Variants in TNFSF8 observed in about 807,000 individuals in gnomAD.
TNFSF8 encodes the protein tumor necrosis factor ligand superfamily member 8.
Under a neutral mutation model 22.0 loss-of-function variants are expected in TNFSF8, and 4 were observed. The observed-to-expected ratio is 0.18, with a 90% CI of 0.09 to 0.42. The LOEUF (loss-of-function observed/expected upper bound fraction) is 0.42, where lower values mean the gene tolerates loss of function less well. TNFSF8 is among the 10% of genes least tolerant of loss of function. The pLI is 1.00. For synonymous variants in TNFSF8, 106 were observed against 112.5 expected, an observed-to-expected ratio of 0.94 and a Z score of 0.37; for missense variants, 233 against 281.8, an observed-to-expected ratio of 0.83 and a Z score of 1.24.
At chr9:114,909,943 G>C (rs1323482094) in intron 2 of TNFSF8, among the ~76,000 whole-genome samples, 2 of 152,196 alleles carry the variant, frequency 1.3e-5, no homozygotes, top group Non-Finnish European at 2.9e-5. Context: ...CCTCAATGTT[G>C]CCCCTATGGC....
At chr9:114,916,174 T>TA (rs1814856778) in intron 2 of TNFSF8, among the ~76,000 whole-genome samples, 1 of 152,116 alleles carries the variant, frequency 6.6e-6, no homozygotes, top group Non-Finnish European at 1.5e-5. Context: ...CTTCATGTTG[T>TA]AAAAAAAGGA....
At chr9:114,911,741 C>T (rs1233915952) in intron 2 of TNFSF8, among the ~76,000 whole-genome samples, 2 of 152,068 alleles carry the variant, frequency 1.3e-5, no homozygotes, top group Non-Finnish European at 2.9e-5. Flanking sequence ...CGCCCCCTGC[C>T]CCACCTACTT....
intron 3 of TNFSF8, 127 bp from the exon 4 acceptor site, chr9:114,904,452 A>G (rs1827760025): frequency 7.5e-7 from 1 of 1,328,202 alleles, no homozygotes; most frequent in African/African-American, 1.5e-5. Flanking sequence ...AATCATCTGA[A>G]TATCTTCCAT....
intron 2 of TNFSF8, among the ~76,000 whole-genome samples, chr9:114,912,170 G>C (rs1827860123): frequency 6.6e-6 from 1 of 152,150 alleles, no homozygotes; most frequent in Non-Finnish European, 1.5e-5. Context: ...CTTCTTAAAA[G>C]TGAGAATAAT....
chr9:114,927,773 G>T (rs953799352), intron 1 of TNFSF8, among the ~76,000 whole-genome samples: 1 of 152,088 alleles, frequency 6.6e-6, no homozygotes, highest in Admixed American at 6.5e-5. Flanking sequence ...AGTGCTAATT[G>T]ACCATTAACT....
Position 114,930,266 on chromosome 9 carries a change from G to C in TNFSF8, c.38C>G (p.Ala13Gly). Residue 13 changes from alanine to glycine, a missense_variant, in exon 1 of 4, where the codon GCC becomes GGC. By Grantham distance (60) the Ala-to-Gly change is moderately conservative. Transcript: ENST00000223795. The stretch of plus-strand genomic sequence containing the variant: ...ATGCATGGCTGTGTCTCCAGGAGGG[G>C]CCATTCCGTTGAGTGCTTGCTGCAG... Reference protein sequence around the residue: ...PGLQQALNGMAPPGDTAMHVP... With the variant: ...PGLQQALNGMGPPGDTAMHVP... 6.2e-7 allele frequency: 1 copy of C among 1,600,284 alleles called. No individual in the cohort carries two copies. Among genetic ancestry groups the C allele is most frequent in the Non-Finnish European group, 8.5e-7 (1 of 1,173,562 alleles).
rs1828125391 is a variant in TNFSF8, at chr9:114,930,319, C to G, written c.-16G>C. ...CTGGGTCCATTCTTTATATAGTCTT[C>G]CCCACATCACACCTTATCTCTCTTC... On this transcript the variant is annotated 5_prime_UTR_variant, in exon 1 of 4. Coordinates refer to ENST00000223795, the MANE Select transcript of TNFSF8 (RefSeq NM_001244.4). 6.7e-7 allele frequency: 1 copy of G among 1,494,910 alleles called. No individual in the cohort carries two copies. Among genetic ancestry groups the G allele is most frequent in the East Asian group, 2.6e-5 (1 of 38,664 alleles). 92.6% of individuals were successfully genotyped at this position (1,494,910 alleles called of 1,614,324 possible).
At chr9:114,929,933 G>A (rs1253096010) in intron 1 of TNFSF8, among the ~76,000 whole-genome samples, 176 bp downstream of exon 1, 1 of 147,220 alleles carries the variant, frequency 6.8e-6, no homozygotes, top group African/African-American at 2.5e-5. Context: ...TGTAACATAA[G>A]TGTATTACGT....
chr9:114,902,825 A>G lies in TNFSF8; in HGVS notation c.*1106T>C. On this transcript the variant is annotated 3_prime_UTR_variant, in exon 4 of 4. Coordinates refer to ENST00000223795, the MANE Select transcript of TNFSF8 (RefSeq NM_001244.4). Reference sequence around the variant, plus strand: ...TTTCTAGACTTGGATCCTGAGTTCCAGGGAGGGGAAGGTATAGTGAATTCT... The same window carrying G: ...TTTCTAGACTTGGATCCTGAGTTCCGGGGAGGGGAAGGTATAGTGAATTCT... 2.3e-6 allele frequency: 2 copies of G among 863,284 alleles called. No individual in the cohort carries two copies. The highest frequency in any genetic ancestry group is 2.8e-6 in the Non-Finnish European group (2 of 718,664). The allele number at this position is 863,284 out of a possible 1,614,324, so 53.5% of individuals were successfully genotyped here.
At chr9:114,929,891 ATAAT>A (rs1015070886) in intron 1 of TNFSF8, among the ~76,000 whole-genome samples, 19 of 142,852 alleles carry the variant, frequency 1.3e-4, no homozygotes, top group African/African-American at 4.8e-4. Flanking sequence ...ATATATATAT[ATAAT>A]ATATACTGTA....
intron 1 of TNFSF8, among the ~76,000 whole-genome samples, chr9:114,924,485 G>T (rs886322118): frequency 6.6e-5 from 10 of 152,014 alleles, no homozygotes; most frequent in Non-Finnish European, 1.5e-4. Context: ...TTAAGAGATG[G>T]GTACTGAAGT....
At chr9:114,896,779 G>C (rs982396831), downstream of TNFSF8, among the ~76,000 whole-genome samples, 50 of 152,174 alleles carry the variant, frequency 3.3e-4, no homozygotes, top group African/African-American at 1.1e-3. Context: ...GTTCAATAAA[G>C]TAAGCAAAGA....
At position 114,902,831 on chromosome 9, in the gene TNFSF8, G is replaced by T; in HGVS notation, c.*1100C>A. The T allele has an allele frequency of 1.2e-6, 1 of 854,852 alleles. No homozygotes were observed. The highest frequency in any genetic ancestry group is 5.4e-5 in the South Asian group (1 of 18,620). The allele number at this position is 854,852 out of a possible 1,614,324, so 53.0% of individuals were successfully genotyped here. ...GACTTGGATCCTGAGTTCCAGGGAG[G>T]GGAAGGTATAGTGAATTCTTATAAT... On this transcript the variant is annotated 3_prime_UTR_variant, in exon 4 of 4. Transcript: ENST00000223795.
intron 3 of TNFSF8, 73 bp from the exon 4 acceptor site, chr9:114,904,398 G>A (rs3181367): frequency 0.47 from 710,237 of 1,514,676 alleles, 173,127 homozygotes; most frequent in African/African-American, 0.78. Flanking sequence ...CTAAGTCTTT[G>A]TTCAAAGTTT....
chr9:114,905,641 G>A (rs1485818082), intron 3 of TNFSF8, among the ~76,000 whole-genome samples, 187 bp downstream of exon 3: 1 of 152,154 alleles, frequency 6.6e-6, no homozygotes, highest in African/African-American at 2.4e-5. Flanking sequence ...TAGCTTTGGA[G>A]AATGACGCTC....
chr9:114,911,636 CACTT>C (rs1363466381), intron 2 of TNFSF8, among the ~76,000 whole-genome samples: 8 of 152,170 alleles, frequency 5.3e-5, no homozygotes, highest in African/African-American at 1.7e-4. Context: ...CATATGAACA[CACTT>C]AGTGCTGACT....
At chr9:114,928,394 A>G (rs560132150) in intron 1 of TNFSF8, among the ~76,000 whole-genome samples, 1 of 152,332 alleles carries the variant, frequency 6.6e-6, no homozygotes, top group South Asian at 2.1e-4. Flanking sequence ...CCACATTTAC[A>G]AAAATGAGGC....
chr9:114,915,392 T>C (rs1827906270), intron 2 of TNFSF8, among the ~76,000 whole-genome samples: 1 of 152,142 alleles, frequency 6.6e-6, no homozygotes, highest in Non-Finnish European at 1.5e-5. Flanking sequence ...GAGAAAAGAC[T>C]TGTTGATGTG....
chr9:114,905,811 T>A lies in TNFSF8; in HGVS notation c.310+17A>T, dbSNP rs1827777214. 3.1e-6 allele frequency: 5 copies of A among 1,601,192 alleles called. No individual in the cohort carries two copies. The East Asian group carries it at 6.7e-5, about 21-fold the overall frequency. ...GCGGTTTTCATATGTTTAGGTTTCC[T>A]GGGCTTGGTTACTGACCTTGGAGGT... On this transcript the variant is annotated intron_variant, in intron 3 of 3. Transcript: ENST00000223795.
Sources: allele counts gnomAD v4.1 joint callset (sites outside exome capture counted in the v4.1 genomes callset), GRCh38; gene constraint gnomAD v4.1.1; transcripts MANE v1.5; gene names NCBI Gene and HGNC (gene_info 2026-07-23, HGNC 2026-07-21).